The following COL16A1 variants were observed in gnomAD, a reference collection of about 807,000 sequenced individuals.
The protein encoded by COL16A1 is collagen alpha-1(XVI) chain.
In COL16A1, 189 loss-of-function variants were observed where a neutral mutation model predicts 266.3. The ratio of observed to expected loss-of-function variants is 0.71; its 90% CI spans 0.63 to 0.80. COL16A1 has a LOEUF of 0.80. Among genes scored for constraint, COL16A1 ranks in the 30% least tolerant of loss-of-function variants. The pLI, the probability that COL16A1 is intolerant of heterozygous loss-of-function variation, is 0.00. For missense variants in COL16A1, 1,928 were observed against 2,122.4 expected (o/e 0.91, Z 1.80); for synonymous variants, 740 against 782.3 (o/e 0.95, Z 0.90).
In COL16A1 at chr1:31,655,378, C is replaced by G. The variant is rs570053297; in HGVS notation, c.4226G>C (p.Arg1409Thr). 11 of 1,614,002 alleles carry G rather than the reference C, an allele frequency of 6.8e-6. No individual in the cohort carries two copies. The Admixed American group carries it at 1.5e-4, about 22-fold the overall frequency. ...PVGPPGPAGE[R>T]GHPGAPGPSG... ...AGGCCCCGGAGCTCCAGGGTGGCCT[C>G]TCTCTCCTGCAGGGCCCGGTGGCCC... The change falls in exon 67 of 71, where the codon AGA becomes ACA. Residue 1409 changes from arginine to threonine, a missense_variant. Coordinates refer to ENST00000373672, the MANE Select transcript of COL16A1 (RefSeq NM_001856.4).
rs1553173914 is a variant in COL16A1 at position 31,699,978 on chromosome 1, G to C, written c.149-48C>G. ...AGAGCTCAGCTGAGCAGGTGGAGAG[G>C]GGTACAGATCACTCCCAGAGGAAGG... On this transcript the variant is annotated intron_variant, in intron 3 of 70. Transcript: ENST00000373672. The C allele has an allele frequency of 1.9e-6, 3 of 1,603,798 alleles. No homozygotes were observed. The South Asian group carries it at 3.3e-5, about 18-fold the overall frequency.
Position 31,652,868 on chromosome 1 carries a change from G to C in COL16A1, c.4613-15C>G, listed in dbSNP as rs1640748429. ...ACCTTGAGGACCTAGGGAGGGAAGG[G>C]CCACAGAGGGAAAATCAGAAGACCC... On this transcript the variant is annotated splice_polypyrimidine_tract_variant and intron_variant, in intron 70 of 70. Transcript: ENST00000373672. This position sits in a 1 kb window ranked among gnomAD's most constrained non-coding sequence, Gnocchi z 4.8. 9.5e-6 allele frequency: 14 copies of C among 1,475,552 alleles called. No individual in the cohort carries two copies. Among genetic ancestry groups the C allele is most frequent in the Admixed American group, 5.7e-5 (2 of 35,358 alleles). 91.4% of individuals were successfully genotyped at this position (1,475,552 alleles called of 1,614,324 possible).
At chr1:31,680,577 C>A (rs750421354) in intron 39 of COL16A1, among the ~76,000 whole-genome samples, 1 of 152,186 alleles carries the variant, frequency 6.6e-6, no homozygotes, top group Admixed American at 6.5e-5. Context: ...TCTGACTCAG[C>A]CCCCATTTGA....
intron 60 of COL16A1, 66 bp from the exon 61 acceptor site, chr1:31,661,185 C>T (rs1465010490): frequency 3.9e-6 from 6 of 1,536,334 alleles, no homozygotes; most frequent in Non-Finnish European, 5.3e-6. Context: ...CCAAGTCAAC[C>T]TCACATCAGA....
At position 31,697,627 on chromosome 1, in the gene COL16A1, G is replaced by C. The variant is rs913594324; in HGVS notation, c.657+279C>G. 6.6e-6 allele frequency among the ~76,000 whole-genome samples: 1 copy of C among 152,202 alleles called. No individual in the cohort carries two copies. The highest frequency in any genetic ancestry group is 2.4e-5 in the African/African-American group (1 of 41,468). ...ACAGCGTAGGCAAAGGCACGGCAGT[G>C]TGAAAGCACTGGGTGCGCTGGATGG... On this transcript the variant is annotated intron_variant, in intron 6 of 70. Transcript: ENST00000373672. The surrounding 1 kb of genome is among the most constrained non-coding windows in gnomAD (Gnocchi z 4.2).
chr1:31,684,279 C>A (rs1258967416), intron 31 of COL16A1, 48 bp from the exon 32 acceptor site: 1 of 1,452,534 alleles, frequency 6.9e-7, no homozygotes, highest in African/African-American at 1.4e-5. Context: ...GGGGCTGGCA[C>A]CCAGGCCAGG....
Position 31,668,965 on chromosome 1 carries a change from G to A in COL16A1, c.3196-110C>T. The A allele has an allele frequency of 3.3e-6, 3 of 903,234 alleles. No individual in the cohort carries two copies. Among genetic ancestry groups the A allele is most frequent in the South Asian group, 1.6e-5 (1 of 62,436 alleles). 56.0% of individuals were successfully genotyped at this position (903,234 alleles called of 1,614,324 possible). A position where few individuals can be genotyped will look rare whatever the true frequency, so the allele number is the denominator to read the frequency against. ...TGTTCCCACTCCAGGCAAATATGGA[G>A]GCCATAGTGGCTCTCGTAGTGTCCC... On this transcript the variant is annotated intron_variant, in intron 49 of 70. Transcript: ENST00000373672. This position sits in a 1 kb window ranked among gnomAD's most constrained non-coding sequence, Gnocchi z 5.8.
In COL16A1 at chr1:31,693,126, C is replaced by G. The variant is rs773320451; in HGVS notation, c.1037G>C (p.Gly346Ala). 6.2e-7 allele frequency: 1 copy of G among 1,611,880 alleles called. No individual in the cohort carries two copies. Among genetic ancestry groups the G allele is most frequent in the Non-Finnish European group, 8.5e-7 (1 of 1,178,262 alleles). ...KGGKGERGLP[G>A]PPGSKGEKGA... The stretch of plus-strand genomic sequence containing the variant: ...CTTCTCTCCCTTGGAGCCTGGTGGA[C>G]CAGGCAGGCCCCGCTCACCTTTCCC... The change falls in exon 13 of 71, where the codon GGT (glycine) becomes GCT (alanine). Residue 346 changes from glycine to alanine, a missense_variant. Gly to Ala is a moderately conservative substitution (Grantham distance 60, BLOSUM62 0). This residue lies in a region of COL16A1 where 1,552 missense variants were observed against 1,637.2 expected (regional missense o/e 0.95). Transcript: ENST00000373672.
Position 31,682,234 on chromosome 1 carries a change from G to A in COL16A1, c.2538+700C>T, listed in dbSNP as rs144635418. Among the ~76,000 whole-genome samples, 35 of 152,244 alleles carry A rather than the reference G, an allele frequency of 2.3e-4. No individual in the cohort carries two copies. In the East Asian group the frequency reaches 2.9e-3, roughly 13 times the overall value. On this transcript the variant is annotated intron_variant, in intron 37 of 70. Transcript: ENST00000373672. ...AAATGCACTTATGATTACTTAATCC[G>A]TGCAATTTGTTCAATAGACATGTCT...
rs766392761 is a variant in COL16A1, at chr1:31,692,774, G to A, written c.1106C>T (p.Pro369Leu). 1.2e-5 allele frequency: 20 copies of A among 1,613,460 alleles called. No homozygotes were observed. The highest frequency in any genetic ancestry group is 1.1e-4 in the African/African-American group (8 of 74,894). The stretch of plus-strand genomic sequence containing the variant: ...ATCACCTCCAAGTCTTACCTGAAGT[G>A]GGGCATCCGGGGAGATTCGAACACA... ...NDCVRISPDA[P>L]LQCAEGPKGE... The change falls in exon 14 of 71, where the codon CCA becomes CTA. Residue 369 changes from proline to leucine, a missense_variant. Physicochemically the swap from Pro to Leu is moderately conservative, Grantham distance 98 (BLOSUM62 -3). Around this residue, in one of 2 missense-constraint regions of COL16A1, gnomAD observed 1,552 missense variants for 1,637.2 expected, o/e 0.95. Coordinates refer to ENST00000373672, the MANE Select transcript of COL16A1 (RefSeq NM_001856.4).
At chr1:31,665,297 A>G (rs1642032632) in intron 55 of COL16A1, 63 bp from the exon 56 acceptor site, 1 of 1,567,044 alleles carries the variant, frequency 6.4e-7, no homozygotes, top group African/African-American at 1.4e-5. Flanking sequence ...CCCCTTCTTT[A>G]TTCTTCCTGT....
chr1:31,666,384 C>T (rs1642146590), intron 52 of COL16A1: 1 of 389,670 alleles, frequency 2.6e-6, no homozygotes. Flanking sequence ...TATGCGGCTC[C>T]CTCTGCCTCT....
In COL16A1 at chr1:31,670,498, ACAC is replaced by A; in HGVS notation, c.3195+101_3195+103del. On this transcript the variant is annotated intron_variant, in intron 49 of 70. Coordinates refer to ENST00000373672, the MANE Select transcript of COL16A1 (RefSeq NM_001856.4). The surrounding 1 kb of genome is among the most constrained non-coding windows in gnomAD (Gnocchi z 4.5). ...TACCGTGCCTGAAGGGGGACAACAA[ACAC>A]GGAGGACGGAGGTGAAGGCACGACA... The A allele has an allele frequency of 7.8e-7, 1 of 1,282,104 alleles. No individual in the cohort carries two copies. Among genetic ancestry groups the A allele is most frequent in the Non-Finnish European group, 1.0e-6 (1 of 1,001,960 alleles). 79.4% of individuals were successfully genotyped at this position (1,282,104 alleles called of 1,614,324 possible). A position where few individuals can be genotyped will look rare whatever the true frequency, so the allele number is the denominator to read the frequency against.
intron 51 of COL16A1, among the ~76,000 whole-genome samples, chr1:31,667,847 TG>T (rs753312137): frequency 6.6e-6 from 1 of 152,104 alleles, no homozygotes; most frequent in South Asian, 2.1e-4. Context: ...GCAGCTTCTG[TG>T]GGGGTGGCAC....
At position 31,697,477 on chromosome 1, in the gene COL16A1, C is replaced by T. The variant is rs7551609; in HGVS notation, c.658-177G>A. Among the ~76,000 whole-genome samples, 426 of 152,262 alleles carry T rather than the reference C, an allele frequency of 2.8e-3. 2 individuals are homozygous for T. The highest frequency in any genetic ancestry group is 9.7e-3 in the African/African-American group (401 of 41,544). ...CAAAGGCAGAACAAAACTGCGCACA[C>T]AGGAACGAGGGAGAGGAGGCCCAGA... On this transcript the variant is annotated intron_variant, in intron 6 of 70. Coordinates refer to ENST00000373672, the MANE Select transcript of COL16A1 (RefSeq NM_001856.4). This position sits in a 1 kb window ranked among gnomAD's most constrained non-coding sequence, Gnocchi z 4.2.
chr1:31,692,120 T>G (rs1352744771), intron 16 of COL16A1, 53 bp from the exon 17 acceptor site: 1 of 1,611,714 alleles, frequency 6.2e-7, no homozygotes, highest in Non-Finnish European at 8.5e-7. Flanking sequence ...CTGGGACAGC[T>G]GGGCAGCTCC....
chr1:31,653,620 T>C lies in COL16A1; in HGVS notation c.4591A>G (p.Asn1531Asp). The C allele has an allele frequency of 6.2e-7, 1 of 1,613,928 alleles. No individual in the cohort carries two copies. Among genetic ancestry groups the C allele is most frequent in the Non-Finnish European group, 8.5e-7 (1 of 1,179,900 alleles). The change falls in exon 70 of 71, where the codon AAT becomes GAT. Residue 1531 changes from asparagine (N) to aspartate (D), a missense_variant. Physicochemically the swap from Asn to Asp is conservative, Grantham distance 23 (BLOSUM62 1). Coordinates refer to ENST00000373672, the MANE Select transcript of COL16A1 (RefSeq NM_001856.4). ...CTACCTGGGGGGCCGGGAAGACCAT[T>C]TTCTCCTGCAATGCCAATACCAATG... ...GDIGIGIAGE[N>D]GLPGPPGPQG...
At chr1:31,675,061 G>C (rs762122336) in intron 43 of COL16A1, 22 bp from the exon 44 acceptor site, 12 of 1,613,074 alleles carry the variant, frequency 7.4e-6, no homozygotes, top group Non-Finnish European at 1.0e-5. Context: ...AGATGTGTGG[G>C]CTCAAGCAGG....
intron 4 of COL16A1, among the ~76,000 whole-genome samples, chr1:31,699,243 A>T (rs1051250569): frequency 1.6e-4 from 24 of 152,234 alleles, no homozygotes; most frequent in Admixed American, 7.2e-4. Flanking sequence ...CCCCAGAATG[A>T]CTATTTCGCT....
Sources: allele counts gnomAD v4.1 joint callset (sites outside exome capture counted in the v4.1 genomes callset), GRCh38; gene constraint gnomAD v4.1.1; regional missense constraint gnomAD v4.1.1; non-coding constraint Gnocchi (gnomAD v3.1); transcripts MANE v1.5; gene names NCBI Gene and HGNC (gene_info 2026-07-23, HGNC 2026-07-21).